The following NSA2 variants were observed in gnomAD, a reference collection of about 807,000 sequenced individuals.
NSA2 encodes the protein ribosome biogenesis protein NSA2 homolog.
In NSA2, 18 loss-of-function variants were observed where a neutral mutation model predicts 34.8. The observed-to-expected ratio is 0.52, with a 90% confidence interval of 0.36 to 0.77. The LOEUF (loss-of-function observed/expected upper bound fraction) is 0.77, where lower values mean the gene tolerates loss of function less well. Ranked by LOEUF, NSA2 falls within the 30% of genes least tolerant of loss-of-function variation. NSA2 has a pLI of 0.00. For synonymous variants in NSA2, 79 were observed against 100.2 expected (o/e 0.79, Z 1.26); for missense variants, 188 against 314.7 (o/e 0.60, Z 3.05).
In NSA2 at chr5:74,767,293, T is replaced by C. The variant is rs1215242809; in HGVS notation, c.-68T>C. The C allele has an allele frequency of 5.0e-6, 8 of 1,606,486 alleles. No individual in the cohort carries two copies. The highest frequency in any genetic ancestry group is 3.3e-5 in the Admixed American group (2 of 59,916). ...TGCGTGGTGTGGGCTTGTGGGTCTT[T>C]GAGACCCGAAAATTGAGAGCGTTTT... is the stretch of plus-strand genomic sequence containing the variant. On this transcript the variant is annotated 5_prime_UTR_variant, in exon 1 of 6. Coordinates refer to ENST00000610426, the MANE Select transcript of NSA2 (RefSeq NM_014886.6).
intron 1 of NSA2, among the ~76,000 whole-genome samples, chr5:74,767,810 C>T (rs1744745744): frequency 6.6e-6 from 1 of 152,190 alleles, no homozygotes; most frequent in African/African-American, 2.4e-5. Flanking sequence ...CCGGGCTTAA[C>T]GGCCCAGATC....
chr5:74,771,364 AACATG>A (rs1337920133), intron 4 of NSA2: 2 of 152,228 alleles, frequency 1.3e-5, no homozygotes, highest in Admixed American at 6.5e-5. Flanking sequence ...CTGACTTTTA[AACATG>A]ACATATTAGA....
In NSA2 at chr5:74,778,535, C is replaced by A. The variant is rs575564344; in HGVS notation, c.*1864C>A. 1 of 151,884 alleles carries A rather than the reference C, an allele frequency of 6.6e-6. No homozygotes were observed. The highest frequency in any genetic ancestry group is 2.4e-5 in the African/African-American group (1 of 41,398). 9.4% of individuals were successfully genotyped at this position (151,884 alleles called of 1,614,324 possible). On this transcript the variant is annotated 3_prime_UTR_variant, in exon 6 of 6. Coordinates refer to ENST00000610426, the MANE Select transcript of NSA2 (RefSeq NM_014886.6). ...TTACCATCTACACTGAATGGAAATACCATGAATATAGACACATTTTAAGTA... is the reference window on the plus strand; with the variant it reads ...TTACCATCTACACTGAATGGAAATAACATGAATATAGACACATTTTAAGTA...
At position 74,769,238 on chromosome 5, in the gene NSA2, C is replaced by T. The variant is rs769345129; in HGVS notation, c.216C>T (p.Asn72=). Residue 72 remains asparagine (N), a synonymous_variant, in exon 3 of 6, where the codon AAC becomes AAT. Transcript: ENST00000610426. ...KKTIKMHEKR[N]TKQKNDEKTP... ...GTATCAAGATGCATGAAAAGAGAAA[C>T]ACCAAACAAAAGAATGATGAAAAGA... 3.1e-6 allele frequency: 5 copies of T among 1,609,010 alleles called. No individual in the cohort carries two copies. In the Admixed American group the frequency reaches 5.1e-5, roughly 16 times the overall value.
At chr5:74,768,358 T>G (rs935787454) in intron 1 of NSA2, among the ~76,000 whole-genome samples, 1 of 152,224 alleles carries the variant, frequency 6.6e-6, no homozygotes, top group African/African-American at 2.4e-5. Flanking sequence ...TTCAAAAGGC[T>G]ATGTACTACT....
At chr5:74,769,566 A>G (rs1744850928) in intron 3 of NSA2, 2 of 437,950 alleles carry the variant, frequency 4.6e-6, no homozygotes, top group Non-Finnish European at 3.9e-6. Flanking sequence ...AAAAAAATTT[A>G]TTAGAATGCC....
At position 74,767,251 on chromosome 5, in the gene NSA2, T is replaced by C. The variant is rs984445272; in HGVS notation, c.-110T>C. The C allele has an allele frequency of 3.8e-5, 52 of 1,374,792 alleles. No individual in the cohort carries two copies. The highest frequency in any genetic ancestry group is 3.1e-4 in the South Asian group (26 of 84,486). The allele number at this position is 1,374,792 out of a possible 1,614,324, so 85.2% of individuals were successfully genotyped here. ...TCACTCGGCCGTTTTAAAGGGTGAC[T>C]CTTTCCTGTCCCGGCCTGCGTGGTG... On this transcript the variant is annotated 5_prime_UTR_variant, in exon 1 of 6. Coordinates refer to ENST00000610426, the MANE Select transcript of NSA2 (RefSeq NM_014886.6).
chr5:74,768,635 A>T (rs933122173), intron 1 of NSA2, among the ~76,000 whole-genome samples: 3 of 152,238 alleles, frequency 2.0e-5, no homozygotes, highest in Admixed American at 1.3e-4. Flanking sequence ...AGGTGTTATT[A>T]AAAAAGCAAA....
intron 4 of NSA2, 40 bp downstream of exon 4, chr5:74,770,850 G>T: frequency 2.9e-6 from 4 of 1,371,148 alleles, no homozygotes; most frequent in Non-Finnish European, 2.9e-6. Context: ...AATGTTAGTT[G>T]ACTTTATTAA....
At chr5:74,774,264 G>A (rs373241087) in intron 5 of NSA2, among the ~76,000 whole-genome samples, 9 of 152,260 alleles carry the variant, frequency 5.9e-5, no homozygotes, top group African/African-American at 2.2e-4. Flanking sequence ...TTAGCTTACT[G>A]GTTTTAGTTA....
intron 4 of NSA2, among the ~76,000 whole-genome samples, chr5:74,772,570 G>C (rs568387552): frequency 6.6e-6 from 1 of 152,272 alleles, no homozygotes; most frequent in South Asian, 2.1e-4. Flanking sequence ...CATATGGCCT[G>C]ACAAAGCCTA....
rs1745164518 is a variant in NSA2, at chr5:74,777,240, A to G, written c.*569A>G. The stretch of plus-strand genomic sequence containing the variant: ...ATTTTTTTCATCTCATTTACCATGT[A>G]TAATAATACCTACTTGGCACTATTT... On this transcript the variant is annotated 3_prime_UTR_variant, in exon 6 of 6. Transcript: ENST00000610426. The G allele has an allele frequency of 1.3e-5, 2 of 152,226 alleles. No individual in the cohort carries two copies. Among genetic ancestry groups the G allele is most frequent in the Non-Finnish European group, 2.9e-5 (2 of 68,022 alleles). 9.4% of individuals were successfully genotyped at this position (152,226 alleles called of 1,614,324 possible).
rs760654972 is a variant in NSA2 at position 74,768,918 on chromosome 5, T to C, written c.4-13T>C. On this transcript the variant is annotated splice_polypyrimidine_tract_variant and intron_variant, in intron 1 of 5. Transcript: ENST00000610426. Reference sequence around the variant, plus strand: ...TTTAAAAAATTAAAATAATATTTCTTCCATCATTATAGCCACAGAATGAAT... The same window carrying C: ...TTTAAAAAATTAAAATAATATTTCTCCCATCATTATAGCCACAGAATGAAT... 7 of 1,532,116 alleles carry C rather than the reference T, an allele frequency of 4.6e-6. No homozygotes were observed. The highest frequency in any genetic ancestry group is 6.1e-6 in the Non-Finnish European group (7 of 1,138,770). The allele number at this position is 1,532,116 out of a possible 1,614,324, so 94.9% of individuals were successfully genotyped here.
In NSA2 at chr5:74,776,964, G is replaced by T; in HGVS notation, c.*293G>T. ...GCAATTTCCTGAAAAAACCACCAGT[G>T]TTCATTGAAAATGCCTTTCAAAAAG... is the stretch of plus-strand genomic sequence containing the variant. On this transcript the variant is annotated 3_prime_UTR_variant, in exon 6 of 6. Transcript: ENST00000610426. 4.5e-6 allele frequency: 1 copy of T among 224,312 alleles called. No homozygotes were observed. The highest frequency in any genetic ancestry group is 8.7e-6 in the Non-Finnish European group (1 of 114,992). The allele number at this position is 224,312 out of a possible 1,614,324, so 13.9% of individuals were successfully genotyped here. A position where few individuals can be genotyped will look rare whatever the true frequency, so the allele number is the denominator to read the frequency against.
At chr5:74,771,907 T>C (rs574829716) in intron 4 of NSA2, among the ~76,000 whole-genome samples, 2 of 150,378 alleles carry the variant, frequency 1.3e-5, no homozygotes, top group Admixed American at 1.3e-4. Context: ...AAAAGGAAGA[T>C]AATTTAATAT....
At chr5:74,775,031 C>A (rs879129857) in intron 5 of NSA2, among the ~76,000 whole-genome samples, 2 of 151,916 alleles carry the variant, frequency 1.3e-5, no homozygotes, top group Admixed American at 6.6e-5. Context: ...GCCTGGCCAA[C>A]ATGGTGAAAC....
chr5:74,767,748 A>C (rs1025003136), intron 1 of NSA2, among the ~76,000 whole-genome samples: 1 of 152,200 alleles, frequency 6.6e-6, no homozygotes, highest in Non-Finnish European at 1.5e-5. Flanking sequence ...TTTACTGCTG[A>C]GGAAACTGAA....
At chr5:74,769,386 CTTTGT>C in intron 3 of NSA2, 22 bp downstream of exon 3, 1 of 1,562,996 alleles carries the variant, frequency 6.4e-7, no homozygotes, top group Admixed American at 2.1e-5. Flanking sequence ...CAATTGAAGT[CTTTGT>C]TTTGTTTAGG....
At chr5:74,774,385 TG>T (rs925907056) in intron 5 of NSA2, among the ~76,000 whole-genome samples, 3 of 152,118 alleles carry the variant, frequency 2.0e-5, no homozygotes, top group Non-Finnish European at 2.9e-5. Context: ...GTGGATCACC[TG>T]AAGTCAGGAG....
Sources: gnomAD v4.1 joint callset for allele counts (sites outside exome capture counted in the v4.1 genomes callset) on GRCh38, gnomAD v4.1.1 for gene constraint, MANE v1.5 for transcripts, NCBI Gene and HGNC (gene_info 2026-07-23, HGNC 2026-07-21) for gene names.